The following METAP1D variants were observed in gnomAD, a reference collection of about 807,000 sequenced individuals.
METAP1D encodes methionyl aminopeptidase type 1D, mitochondrial.
METAP1D carries 31 observed loss-of-function variants against 40.5 expected under a neutral mutation model. That is an observed-to-expected ratio of 0.77 (90% CI 0.58 to 1.03). The LOEUF (loss-of-function observed/expected upper bound fraction) is 1.03, where lower values mean the gene tolerates loss of function less well. Among genes scored for constraint, METAP1D ranks in the 50% least tolerant of loss-of-function variants. The probability of loss-of-function intolerance (pLI) is 0.00; values close to 1 mark genes in which losing one functional copy is unlikely to be tolerated. For missense variants in METAP1D, 411 were observed against 420.7 expected, an observed-to-expected ratio of 0.98 and a Z score of 0.20; for synonymous variants, 151 against 146.4, an observed-to-expected ratio of 1.03 and a Z score of -0.22.
intron 1 of METAP1D, among the ~76,000 whole-genome samples, chr2:172,054,444 G>A (rs1290559602): frequency 2.0e-5 from 3 of 151,952 alleles, no homozygotes; most frequent in Non-Finnish European, 2.9e-5. Flanking sequence ...ACTTGAACCC[G>A]GGAGGCAGAG....
intron 1 of METAP1D, among the ~76,000 whole-genome samples, chr2:172,046,963 C>T (rs1689776442): frequency 6.6e-6 from 1 of 152,146 alleles, no homozygotes; most frequent in South Asian, 2.1e-4. Flanking sequence ...CATGGTTACA[C>T]CTTTCCAAGT....
chr2:172,032,099 G>C (rs900657081), intron 1 of METAP1D, among the ~76,000 whole-genome samples: 18 of 152,064 alleles, frequency 1.2e-4, no homozygotes, highest in African/African-American at 3.9e-4. Flanking sequence ...GTTTTCTTTT[G>C]GTTTTGGGTT....
intron 1 of METAP1D, among the ~76,000 whole-genome samples, chr2:172,020,268 A>C (rs1026737146): frequency 1.3e-5 from 2 of 152,220 alleles, no homozygotes; most frequent in Non-Finnish European, 2.9e-5. Flanking sequence ...TACAGGCGTG[A>C]GCCACCGCGC....
chr2:172,055,188 G>C (rs183800737), intron 1 of METAP1D, among the ~76,000 whole-genome samples: 4 of 152,320 alleles, frequency 2.6e-5, no homozygotes, highest in African/African-American at 7.2e-5. Flanking sequence ...ACCGTGTGCA[G>C]TGAATCCTGA....
rs782267064 is a variant in METAP1D at position 172,040,746 on chromosome 2, C to CTTTTTT, written c.41-20739_41-20734dup. ...ATTTGCTTTGATACATTCAGGCCCT[C>CTTTTTT]TTTTTTTTTTTTTTTTTTGAGATGG... On this transcript the variant is annotated intron_variant, in intron 1 of 9. Coordinates refer to ENST00000315796, the MANE Select transcript of METAP1D (RefSeq NM_199227.3). Among the ~76,000 whole-genome samples, 20 of 117,224 alleles carry CTTTTTT rather than the reference C, an allele frequency of 1.7e-4. No individual in the cohort carries two copies. The East Asian group carries it at 4.7e-3, about 28-fold the overall frequency. The allele number at this position is 117,224 out of a possible 152,430, so 76.9% of individuals were successfully genotyped here. A position where few individuals can be genotyped will look rare whatever the true frequency, so the allele number is the denominator to read the frequency against.
At chr2:172,072,025 G>T (rs1180378794) in intron 6 of METAP1D, among the ~76,000 whole-genome samples, 1 of 152,122 alleles carries the variant, frequency 6.6e-6, no homozygotes, top group African/African-American at 2.4e-5. Flanking sequence ...ATCTCTTTGG[G>T]TTATATCTGA....
chr2:172,028,552 G>C (rs1159092713), intron 1 of METAP1D, among the ~76,000 whole-genome samples: 2 of 37,600 alleles, frequency 5.3e-5, no homozygotes, highest in East Asian at 4.6e-3. Flanking sequence ...CTGTGTGTGT[G>C]TGTGTGTGTG....
intron 8 of METAP1D, 69 bp downstream of exon 8, chr2:172,079,331 C>A (rs147863580): frequency 1.4e-6 from 2 of 1,449,450 alleles, no homozygotes. Flanking sequence ...GGCCTAGGCC[C>A]GGCAGTCCGG....
chr2:172,035,365 C>T (rs936814529), intron 1 of METAP1D, among the ~76,000 whole-genome samples: 16 of 152,072 alleles, frequency 1.1e-4, no homozygotes, highest in Admixed American at 3.9e-4. Flanking sequence ...GGGGTTTCAC[C>T]GTATTAGCCA....
intron 1 of METAP1D, among the ~76,000 whole-genome samples, chr2:172,035,867 C>T (rs1031416997): frequency 6.6e-6 from 1 of 151,896 alleles, no homozygotes. Context: ...AGGCTGATCT[C>T]GAATGCTTGG....
intron 1 of METAP1D, among the ~76,000 whole-genome samples, chr2:172,033,951 C>G (rs767363739): frequency 8.2e-4 from 125 of 151,632 alleles, no homozygotes; most frequent in Non-Finnish European, 5.7e-4. Context: ...GTGGTGCGTG[C>G]CTGTAATCCC....
intron 1 of METAP1D, among the ~76,000 whole-genome samples, chr2:172,019,671 T>C (rs1015501754): frequency 6.6e-6 from 1 of 152,150 alleles, no homozygotes; most frequent in East Asian, 1.9e-4. Context: ...CGTCAAGCCT[T>C]AGCACCTATA....
intron 1 of METAP1D, among the ~76,000 whole-genome samples, chr2:172,030,078 T>TTTATTTATTTATGTATTTA (rs553826009): frequency 6.7e-6 from 1 of 149,870 alleles, no homozygotes; most frequent in Admixed American, 6.7e-5. Context: ...TTTTATTTTA[T>TTTATTTATTTATGTATTTA]TTTATTTATT....
rs1166319164 is a variant in METAP1D at position 172,002,608 on chromosome 2, G to A, written c.40+2599G>A. ...GGAGAGAAGAAAAATGTGTCATCAG[G>A]AAGCTATTTTAATGATGGAGAAAGG... On this transcript the variant is annotated intron_variant, in intron 1 of 9. Coordinates refer to ENST00000315796, the MANE Select transcript of METAP1D (RefSeq NM_199227.3). 2.6e-5 allele frequency among the ~76,000 whole-genome samples: 4 copies of A among 152,092 alleles called. No homozygotes were observed. The East Asian group carries it at 7.7e-4, about 29-fold the overall frequency.
At chr2:172,007,241 C>T (rs2105373388) in intron 1 of METAP1D, among the ~76,000 whole-genome samples, 1 of 150,846 alleles carries the variant, frequency 6.6e-6, no homozygotes, top group East Asian at 2.0e-4. Flanking sequence ...ACAATCATAG[C>T]TCACTGCAAC....
chr2:172,070,757 A>G (rs1690400573), intron 5 of METAP1D, 150 bp from the exon 6 acceptor site: 1 of 549,944 alleles, frequency 1.8e-6, no homozygotes, highest in Non-Finnish European at 2.8e-6. Context: ...AGGTTTCAAT[A>G]TATCTATTTC....
intron 6 of METAP1D, among the ~76,000 whole-genome samples, chr2:172,071,908 C>G (rs1260227886): frequency 6.6e-6 from 1 of 152,000 alleles, no homozygotes; most frequent in African/African-American, 2.4e-5. Context: ...GCCTTTTTTT[C>G]TTCGTAAGCC....
chr2:172,003,352 A>C (rs757535516), intron 1 of METAP1D, among the ~76,000 whole-genome samples: 2 of 152,150 alleles, frequency 1.3e-5, no homozygotes, highest in Non-Finnish European at 2.9e-5. Flanking sequence ...CCCTCGCTTC[A>C]CTGGAATCCC....
At chr2:172,000,106 C>A in intron 1 of METAP1D, 97 bp downstream of exon 1, 1 of 1,044,570 alleles carries the variant, frequency 9.6e-7, no homozygotes, top group Non-Finnish European at 1.3e-6. Context: ...TCAGACTTCT[C>A]GGCGCACACG....
Sources: gnomAD v4.1 joint callset for allele counts (sites outside exome capture counted in the v4.1 genomes callset) on GRCh38, gnomAD v4.1.1 for gene constraint, MANE v1.5 for transcripts, NCBI Gene and HGNC (gene_info 2026-07-23, HGNC 2026-07-21) for gene names.